Variants in MAP3K20 observed in about 807,000 individuals in gnomAD.
MAP3K20 encodes the protein mitogen-activated protein kinase kinase kinase 20.
A neutral mutation model predicts 85.7 loss-of-function variants in MAP3K20; 40 were observed. That is an observed-to-expected ratio of 0.47 (90% CI 0.36 to 0.61). The LOEUF (loss-of-function observed/expected upper bound fraction) is 0.61. Among genes scored for constraint, MAP3K20 ranks in the 20% least tolerant of loss-of-function variants. MAP3K20 has a pLI of 0.00. For synonymous variants in MAP3K20, 325 were observed against 327.7 expected (o/e 0.99, Z 0.09); for missense variants, 817 against 961.7 (o/e 0.85, Z 1.99).
intron 2 of MAP3K20, among the ~76,000 whole-genome samples, chr2:173,166,999 G>T (rs1016975476): frequency 5.0e-5 from 7 of 138,656 alleles, no homozygotes; most frequent in African/African-American, 1.9e-4. Context: ...TGCAAGCTCC[G>T]CCTCCCGGGT....
At chr2:173,262,894 A>G (rs1157567229) in intron 18 of MAP3K20, among the ~76,000 whole-genome samples, 2 of 152,212 alleles carry the variant, frequency 1.3e-5, no homozygotes, top group African/African-American at 4.8e-5. Context: ...TAATCGGACA[A>G]TTAGAACAAC....
intron 16 of MAP3K20, among the ~76,000 whole-genome samples, chr2:173,253,516 G>A (rs1685088980): frequency 6.6e-6 from 1 of 152,122 alleles, no homozygotes; most frequent in South Asian, 2.1e-4. Flanking sequence ...ATGACTTAAT[G>A]TATGGTTTTT....
intron 8 of MAP3K20, among the ~76,000 whole-genome samples, chr2:173,199,825 G>T (rs1690985642): frequency 6.6e-6 from 1 of 152,004 alleles, no homozygotes; most frequent in Non-Finnish European, 1.5e-5. Flanking sequence ...TATCCGTGAA[G>T]GATTTTTAAA....
intron 2 of MAP3K20, among the ~76,000 whole-genome samples, chr2:173,101,390 A>G (rs1687635040): frequency 6.6e-6 from 1 of 152,214 alleles, no homozygotes; most frequent in Non-Finnish European, 1.5e-5. Flanking sequence ...CTTATGAGAA[A>G]CATTGCAACT....
chr2:173,245,218 A>G lies in MAP3K20; in HGVS notation c.1359+5722A>G, dbSNP rs149035863. 9.6e-4 allele frequency among the ~76,000 whole-genome samples: 146 copies of G among 152,314 alleles called. No individual in the cohort carries two copies. The East Asian group carries it at 0.027, about 28-fold the overall frequency. On this transcript the variant is annotated intron_variant, in intron 16 of 19. Coordinates refer to ENST00000375213, the MANE Select transcript of MAP3K20 (RefSeq NM_016653.3). ...TATTACCTTATACACAAATAGGTAA[A>G]GGAAAAACCCTGTCCACCTTTGTCC... is the stretch of plus-strand genomic sequence containing the variant.
In MAP3K20 at chr2:173,263,860, A is replaced by C; in HGVS notation, c.1667A>C (p.Asn556Thr). The part of the protein sequence containing the change: ...VQLAIQTLFT[N>T]SDGNPGSRSD... The stretch of plus-strand genomic sequence containing the variant: ...CTTGCCATTCAGACATTATTCACCA[A>C]TTCAGATGGCAACCCTGGAAGCAGG... The change falls in exon 19 of 20, where the codon AAT (asparagine) becomes ACT (threonine). Residue 556 changes from asparagine (N) to threonine (T), a missense_variant. Asn to Thr is a moderately conservative substitution (Grantham distance 65). Around this residue, in one of 4 missense-constraint regions of MAP3K20, gnomAD observed 454 missense variants for 476.9 expected, o/e 0.95. Transcript: ENST00000375213. 6.2e-7 allele frequency: 1 copy of C among 1,613,196 alleles called. No individual in the cohort carries two copies.
intron 14 of MAP3K20, among the ~76,000 whole-genome samples, chr2:173,235,732 G>C (rs777811054): frequency 4.6e-5 from 7 of 152,212 alleles, no homozygotes; most frequent in Non-Finnish European, 8.8e-5. Flanking sequence ...TTTGTGGTAT[G>C]TGAATTTCAC....
intron 2 of MAP3K20, among the ~76,000 whole-genome samples, chr2:173,152,926 T>G (rs1416313233): frequency 2.0e-5 from 3 of 152,172 alleles, no homozygotes; most frequent in African/African-American, 7.2e-5. Context: ...GGCTTCTGAT[T>G]TATGCATTTG....
At chr2:173,193,755 TAAG>T (rs985086035) in intron 7 of MAP3K20, among the ~76,000 whole-genome samples, 1 of 152,226 alleles carries the variant, frequency 6.6e-6, no homozygotes, top group African/African-American at 2.4e-5. Context: ...TCTTTTCACT[TAAG>T]AAACTATGCA....
At chr2:173,265,876 AT>A (rs1685407481) in intron 19 of MAP3K20, among the ~76,000 whole-genome samples, 173 bp from the exon 20 acceptor site, 1 of 152,188 alleles carries the variant, frequency 6.6e-6, no homozygotes, top group African/African-American at 2.4e-5. Flanking sequence ...AAATGTCCTT[AT>A]TTTTTAAAGT....
intron 2 of MAP3K20, among the ~76,000 whole-genome samples, chr2:173,111,408 G>A (rs1214469160): frequency 6.6e-6 from 1 of 152,128 alleles, no homozygotes; most frequent in African/African-American, 2.4e-5. Flanking sequence ...CTTTTGCTGT[G>A]CAAAAGCTCT....
At chr2:173,188,374 T>C (rs1690552007) in intron 5 of MAP3K20, among the ~76,000 whole-genome samples, 1 of 152,192 alleles carries the variant, frequency 6.6e-6, no homozygotes, top group African/African-American at 2.4e-5. Context: ...GTTTGCCACT[T>C]TTCTGAATAC....
chr2:173,129,325 A>G (rs1161132459), intron 2 of MAP3K20, among the ~76,000 whole-genome samples: 2 of 150,906 alleles, frequency 1.3e-5, no homozygotes, highest in Non-Finnish European at 2.9e-5. Flanking sequence ...TCTTGCATGC[A>G]TTATTTCATT....
chr2:173,264,078 G>GGT (rs1685357075), intron 19 of MAP3K20, among the ~76,000 whole-genome samples, 183 bp downstream of exon 19: 1 of 152,144 alleles, frequency 6.6e-6, no homozygotes. Flanking sequence ...TGTGGCCCCA[G>GGT]GACCAGGAGC....
intron 11 of MAP3K20, among the ~76,000 whole-genome samples, chr2:173,219,862 T>A (rs986084914): frequency 1.3e-5 from 2 of 151,770 alleles, no homozygotes; most frequent in Non-Finnish European, 2.9e-5. Flanking sequence ...AGGTCAGGCG[T>A]TCAAGACCAG....
At chr2:173,130,413 A>G (rs750534108) in intron 2 of MAP3K20, among the ~76,000 whole-genome samples, 3 of 152,242 alleles carry the variant, frequency 2.0e-5, no homozygotes, top group Non-Finnish European at 4.4e-5. Context: ...CTCAAAAATC[A>G]GAAACAAAAA....
chr2:173,101,287 G>A (rs1687632433), intron 2 of MAP3K20, among the ~76,000 whole-genome samples: 1 of 152,042 alleles, frequency 6.6e-6, no homozygotes, highest in Non-Finnish European at 1.5e-5. Flanking sequence ...TCCTTCTTAT[G>A]TTTGCTACTT....
intron 11 of MAP3K20, among the ~76,000 whole-genome samples, chr2:173,228,566 A>G (rs1684445531): frequency 6.6e-6 from 1 of 152,162 alleles, no homozygotes. Flanking sequence ...CTCAACAAAA[A>G]TTTACCAGAT....
intron 4 of MAP3K20, among the ~76,000 whole-genome samples, 153 bp downstream of exon 4, chr2:173,183,108 A>G (rs1008164466): frequency 3.9e-5 from 6 of 152,166 alleles, no homozygotes; most frequent in African/African-American, 1.4e-4. Flanking sequence ...TGGTACAGAT[A>G]ATATTTTAGG....
Sources: allele counts gnomAD v4.1 joint callset (sites outside exome capture counted in the v4.1 genomes callset), GRCh38; gene constraint gnomAD v4.1.1; regional missense constraint gnomAD v4.1.1; transcripts MANE v1.5; gene names NCBI Gene and HGNC (gene_info 2026-07-23, HGNC 2026-07-21).